Variants in MSRA observed in about 807,000 individuals in gnomAD.
MSRA encodes the protein methionine sulfoxide reductase A.
A neutral mutation model predicts 31.3 loss-of-function variants in MSRA; 54 were observed. That is an observed-to-expected ratio of 1.73 (90% CI 1.39 to 2.17). The LOEUF (loss-of-function observed/expected upper bound fraction) is 2.17, where lower values mean the gene tolerates loss of function less well. Ranked by LOEUF, MSRA falls within the 30% of genes most tolerant of loss-of-function variation. The probability of loss-of-function intolerance (pLI) is 0.00; values close to 1 mark genes in which losing one functional copy is unlikely to be tolerated. For synonymous variants in MSRA, 169 were observed against 116.5 expected, an observed-to-expected ratio of 1.45 and a Z score of -2.90; for missense variants, 507 against 300.9, an observed-to-expected ratio of 1.69 and a Z score of -5.07.
intron 5 of MSRA, among the ~76,000 whole-genome samples, chr8:10,339,078 T>C (rs1293010358): frequency 6.6e-6 from 1 of 152,226 alleles, no homozygotes; most frequent in African/African-American, 2.4e-5. Flanking sequence ...CTTGTTCTTA[T>C]GAACCTTGAC....
At chr8:10,375,423 A>T (rs1805704533) in intron 5 of MSRA, among the ~76,000 whole-genome samples, 1 of 152,192 alleles carries the variant, frequency 6.6e-6, no homozygotes. Flanking sequence ...TGCAAAACTG[A>T]ATTAATATGC....
intron 5 of MSRA, among the ~76,000 whole-genome samples, chr8:10,394,473 C>T (rs912134973): frequency 2.6e-5 from 4 of 152,218 alleles, no homozygotes; most frequent in Admixed American, 6.5e-5. Flanking sequence ...TAATTGCACA[C>T]GTTTTCTCAT....
intron 1 of MSRA, among the ~76,000 whole-genome samples, chr8:10,103,880 T>C (rs1417562026): frequency 6.6e-6 from 1 of 152,152 alleles, no homozygotes; most frequent in Non-Finnish European, 1.5e-5. Flanking sequence ...ACTAAAGCCT[T>C]ACTCTCTCTC....
intron 5 of MSRA, among the ~76,000 whole-genome samples, chr8:10,323,946 G>A (rs1802211634): frequency 6.6e-6 from 1 of 152,168 alleles, no homozygotes; most frequent in Non-Finnish European, 1.5e-5. Context: ...GGGGACAAAT[G>A]CTGTCATATC....
chr8:10,060,391 G>A (rs1290853683), intron 1 of MSRA, among the ~76,000 whole-genome samples: 2 of 152,206 alleles, frequency 1.3e-5, no homozygotes, highest in African/African-American at 4.8e-5. Context: ...TAACTTTTCT[G>A]TGAACAGAAG....
intron 1 of MSRA, among the ~76,000 whole-genome samples, chr8:10,120,820 T>C (rs544964062): frequency 1.3e-5 from 2 of 152,328 alleles, no homozygotes; most frequent in South Asian, 4.1e-4. Flanking sequence ...CTGGCTAGCC[T>C]ACATGGTTTC....
At chr8:10,364,333 C>T (rs571852435) in intron 5 of MSRA, among the ~76,000 whole-genome samples, 8 of 152,250 alleles carry the variant, frequency 5.3e-5, no homozygotes, top group East Asian at 3.9e-4. Context: ...GCTCCTGGGG[C>T]GTCAAAGGTG....
At chr8:10,214,041 A>G (rs886554189) in intron 2 of MSRA, among the ~76,000 whole-genome samples, 2 of 152,112 alleles carry the variant, frequency 1.3e-5, no homozygotes, top group Non-Finnish European at 2.9e-5. Flanking sequence ...CCTGATGGCA[A>G]TGTCTCTCTG....
chr8:10,354,128 G>C (rs1194521826), intron 5 of MSRA, among the ~76,000 whole-genome samples: 1 of 152,138 alleles, frequency 6.6e-6, no homozygotes, highest in Non-Finnish European at 1.5e-5. Flanking sequence ...TGAATCTTTG[G>C]TTAGCATTAG....
chr8:10,384,671 C>T (rs779532025), intron 5 of MSRA, among the ~76,000 whole-genome samples: 13 of 152,056 alleles, frequency 8.5e-5, no homozygotes, highest in Non-Finnish European at 1.5e-4. Context: ...GTTGCACTAG[C>T]GGAAGGACTC....
intron 5 of MSRA, among the ~76,000 whole-genome samples, chr8:10,333,999 A>G (rs1802864958): frequency 6.6e-6 from 1 of 152,164 alleles, no homozygotes; most frequent in Non-Finnish European, 1.5e-5. Context: ...GACAGGGCCT[A>G]TACGTTTTTC....
chr8:10,348,590 G>A (rs1803936549), intron 5 of MSRA, among the ~76,000 whole-genome samples: 1 of 151,926 alleles, frequency 6.6e-6, no homozygotes, highest in Admixed American at 6.6e-5. Flanking sequence ...GGATGGTCTT[G>A]ATCTCTTGAC....
intron 2 of MSRA, among the ~76,000 whole-genome samples, chr8:10,238,153 A>G (rs1209610701): frequency 6.6e-6 from 1 of 152,058 alleles, no homozygotes; most frequent in African/African-American, 2.4e-5. Flanking sequence ...GCCCCTTAGA[A>G]ATAGCAGGCA....
intron 1 of MSRA, among the ~76,000 whole-genome samples, chr8:10,141,815 T>C (rs2129031372): frequency 6.6e-6 from 1 of 152,168 alleles, no homozygotes; most frequent in Middle Eastern, 3.4e-3. Context: ...GGCAGCAGGT[T>C]TTTTGCCAGG....
chr8:10,085,984 T>C (rs1405056829), intron 1 of MSRA, among the ~76,000 whole-genome samples: 1 of 152,200 alleles, frequency 6.6e-6, no homozygotes, highest in African/African-American at 2.4e-5. Flanking sequence ...TCAGATTGTT[T>C]CCAGTTTTGA....
chr8:10,156,097 C>T (rs897993448), intron 1 of MSRA, among the ~76,000 whole-genome samples: 7 of 152,030 alleles, frequency 4.6e-5, no homozygotes, highest in African/African-American at 1.7e-4. Context: ...TTCGATGCTG[C>T]CAAGGAGAAT....
At chr8:10,239,764 G>A (rs1169043491) in intron 2 of MSRA, among the ~76,000 whole-genome samples, 1 of 152,188 alleles carries the variant, frequency 6.6e-6, no homozygotes, top group African/African-American at 2.4e-5. Context: ...GTCTCCCAAT[G>A]GGTCCCTGAG....
intron 4 of MSRA, among the ~76,000 whole-genome samples, chr8:10,318,113 C>T (rs142165584): frequency 2.8e-4 from 42 of 152,224 alleles, no homozygotes; most frequent in African/African-American, 9.6e-4. Context: ...CCATTGTCCT[C>T]GATTATTTTG....
chr8:10,218,403 C>G (rs1469816523), intron 2 of MSRA, among the ~76,000 whole-genome samples: 1 of 152,102 alleles, frequency 6.6e-6, no homozygotes, highest in East Asian at 1.9e-4. Context: ...TCTCAGCCTC[C>G]CAAAATGCTG....
Sources: allele counts gnomAD v4.1 joint callset (sites outside exome capture counted in the v4.1 genomes callset), GRCh38; gene constraint gnomAD v4.1.1; transcripts MANE v1.5; gene names NCBI Gene and HGNC (gene_info 2026-07-23, HGNC 2026-07-21).